Variants in CLBA1 observed in about 807,000 individuals in gnomAD.
CLBA1 encodes clathrin binding box of aftiphilin containing 1, also known as uncharacterized protein CLBA1.
CLBA1 carries 30 observed loss-of-function variants against 28.8 expected under a neutral mutation model. The ratio of observed to expected loss-of-function variants is 1.04; its 90% CI spans 0.78 to 1.41. The LOEUF (loss-of-function observed/expected upper bound fraction) is 1.41. CLBA1 is among the 40% of genes most tolerant of loss of function. CLBA1 has a pLI of 0.00. For missense variants in CLBA1, 451 were observed against 412.3 expected, an observed-to-expected ratio of 1.09 and a Z score of -0.81; for synonymous variants, 160 against 152.8, an observed-to-expected ratio of 1.05 and a Z score of -0.35.
rs1232882920 is a variant in CLBA1, at chr14:104,994,946, C to T, written c.*187C>T. ...CTGACCAGGAGATGGAGGATGTGTC[C>T]TTGGCAGAGCCAAGGGGAGACAGAG... On this transcript the variant is annotated 3_prime_UTR_variant, in exon 5 of 5. Transcript: ENST00000547315. 7.7e-7 allele frequency: 1 copy of T among 1,302,136 alleles called. No individual in the cohort carries two copies. Among genetic ancestry groups the T allele is most frequent in the Non-Finnish European group, 9.7e-7 (1 of 1,026,592 alleles). The allele number at this position is 1,302,136 out of a possible 1,614,324, so 80.7% of individuals were successfully genotyped here.
In CLBA1 at chr14:104,995,421, G is replaced by C. The variant is rs1050442885; in HGVS notation, c.*662G>C. The C allele has an allele frequency of 8.8e-5, 87 of 985,288 alleles. No individual in the cohort carries two copies. The highest frequency in any genetic ancestry group is 1.0e-4 in the Non-Finnish European group (85 of 829,924). 61.0% of individuals were successfully genotyped at this position (985,288 alleles called of 1,614,324 possible). A position where few individuals can be genotyped will look rare whatever the true frequency, so the allele number is the denominator to read the frequency against. On this transcript the variant is annotated 3_prime_UTR_variant, in exon 5 of 5. Coordinates refer to ENST00000547315, the MANE Select transcript of CLBA1 (RefSeq NM_174891.4). ...TCTGGTGGGCCCGTGGCTTCCCCCA[G>C]TTATCTGCTAAGGAAAACTGTGCTC... is the stretch of plus-strand genomic sequence containing the variant.
intron 4 of CLBA1, chr14:104,994,324 A>C (rs1900114867): frequency 1.0e-6 from 1 of 985,328 alleles, no homozygotes; most frequent in South Asian, 4.7e-5. Context: ...GACACGTAGC[A>C]CAAGGGCCAG....
chr14:105,000,575 C>T (rs71421900), intron 2 of CLBA1, among the ~76,000 whole-genome samples: 1 of 152,024 alleles, frequency 6.6e-6, no homozygotes, highest in South Asian at 2.1e-4. Context: ...TCCAGCCAAG[C>T]AGACATTTTC....
chr14:104,986,751 C>G lies in CLBA1; in HGVS notation c.320C>G (p.Pro107Arg), dbSNP rs377224370. 6.2e-7 allele frequency: 1 copy of G among 1,613,348 alleles called. No individual in the cohort carries two copies. Among genetic ancestry groups the G allele is most frequent in the Non-Finnish European group, 8.5e-7 (1 of 1,179,810 alleles). ...SLELLEGPTE[P>R]QPPRTTSAPK... ...GAACTCCTCGAGGGACCCACAGAAC[C>G]CCAGCCACCGAGAACCACTTCTGCC... is the stretch of plus-strand genomic sequence containing the variant. The change falls in exon 1 of 5, where the codon CCC becomes CGC. Residue 107 changes from proline (P) to arginine (R), a missense_variant. Coordinates refer to ENST00000547315, the MANE Select transcript of CLBA1 (RefSeq NM_174891.4).
At chr14:104,996,572 C>T (rs1214033905), downstream of CLBA1, among the ~76,000 whole-genome samples, 5 of 152,166 alleles carry the variant, frequency 3.3e-5, no homozygotes, top group African/African-American at 4.8e-5. Context: ...GGACAGTGGG[C>T]GGGAGGCAAG....
At position 104,992,962 on chromosome 14, in the gene CLBA1, C is replaced by G. The variant is rs1900076933; in HGVS notation, c.714C>G (p.Gly238=). The G allele has an allele frequency of 6.2e-7, 1 of 1,613,732 alleles. No homozygotes were observed. The highest frequency in any genetic ancestry group is 1.7e-5 in the Admixed American group (1 of 59,986). The change falls in exon 4 of 5, where the codon GGC becomes GGG. Residue 238 remains glycine (G), a synonymous_variant. Coordinates refer to ENST00000547315, the MANE Select transcript of CLBA1 (RefSeq NM_174891.4). The stretch of plus-strand genomic sequence containing the variant: ...TGTCTCCTTAGAACCTTTCTGGAGG[C>G]CAGGGCCACATCATGGAAGATTGTG... ...IDAAQKNLSG[G]QGHIMEDCDL...
intron 3 of CLBA1, among the ~76,000 whole-genome samples, chr14:104,992,060 G>C (rs1334322808): frequency 8.9e-6 from 1 of 112,642 alleles, no homozygotes; most frequent in Non-Finnish European, 1.8e-5. Context: ...CCACGCACAC[G>C]CCGCCACGCA....
rs146555211 is a variant in CLBA1, at chr14:104,986,298, G to A, written c.-134G>A. The A allele has an allele frequency of 3.3e-6, 3 of 914,754 alleles. No homozygotes were observed. Among genetic ancestry groups the A allele is most frequent in the African/African-American group, 1.7e-5 (1 of 59,776 alleles). The allele number at this position is 914,754 out of a possible 1,614,324, so 56.7% of individuals were successfully genotyped here. ...TCCACCGTCAGCCACTGGGCAGCCC[G>A]GGGCACTCCTGCAGCGTCCCCTGGC... is the stretch of plus-strand genomic sequence containing the variant. On this transcript the variant is annotated 5_prime_UTR_variant, in exon 1 of 5. Transcript: ENST00000547315.
In CLBA1 at chr14:104,986,423, G is replaced by A. The variant is rs1278582048; in HGVS notation, c.-9G>A. On this transcript the variant is annotated 5_prime_UTR_variant, in exon 1 of 5. Coordinates refer to ENST00000547315, the MANE Select transcript of CLBA1 (RefSeq NM_174891.4). The stretch of plus-strand genomic sequence containing the variant: ...CCCATCGGGCCTCTGCTGGCCTGGG[G>A]GCTCCAAGATGCAAGGCCGGCGGGA... 1.2e-6 allele frequency: 2 copies of A among 1,610,758 alleles called. No individual in the cohort carries two copies. The highest frequency in any genetic ancestry group is 8.5e-7 in the Non-Finnish European group (1 of 1,179,516).
In CLBA1 at chr14:104,986,572, G is replaced by C; in HGVS notation, c.141G>C (p.Leu47=). ...EWRRTCPDLL[L]SDGKASISMP... is the part of the protein sequence containing the mutation. ...GACGGACCTGCCCCGACCTTCTCCT[G>C]TCCGATGGGAAAGCCAGCATCTCCA... The change falls in exon 1 of 5, where the codon CTG becomes CTC. Residue 47 remains leucine (L), a synonymous_variant. Coordinates refer to ENST00000547315, the MANE Select transcript of CLBA1 (RefSeq NM_174891.4). The C allele has an allele frequency of 1.2e-6, 2 of 1,614,080 alleles. No individual in the cohort carries two copies. Among genetic ancestry groups the C allele is most frequent in the Non-Finnish European group, 8.5e-7 (1 of 1,180,032 alleles).
chr14:104,987,365 C>G (rs905126978), intron 1 of CLBA1, among the ~76,000 whole-genome samples: 3 of 152,190 alleles, frequency 2.0e-5, no homozygotes, highest in African/African-American at 7.2e-5. Context: ...GAGCCAGGGT[C>G]CCAGCCTTCA....
downstream of CLBA1, among the ~76,000 whole-genome samples, chr14:104,997,812 C>G (rs1900181543): frequency 6.6e-6 from 1 of 152,016 alleles, no homozygotes; most frequent in South Asian, 2.1e-4. Flanking sequence ...AGTTTGAGAC[C>G]AGCCTGGCCA....
intron 3 of CLBA1, 139 bp downstream of exon 3, chr14:104,991,759 T>C (rs1900029377): frequency 8.6e-6 from 9 of 1,049,850 alleles, no homozygotes; most frequent in Non-Finnish European, 1.2e-5. Context: ...GGTGGCCCCA[T>C]AAACGTGTCA....
chr14:104,991,228 G>T (rs549308221), intron 2 of CLBA1: 2 of 304,732 alleles, frequency 6.6e-6, no homozygotes, highest in Admixed American at 9.6e-5. Flanking sequence ...GTTTCACTAT[G>T]TTGGCCAGGC....
At chr14:105,000,028 C>T (rs533140738), downstream of CLBA1, among the ~76,000 whole-genome samples, 3 of 152,292 alleles carry the variant, frequency 2.0e-5, no homozygotes, top group South Asian at 2.1e-4. Flanking sequence ...GTGCAGCTCT[C>T]GCATGACTCC....
Position 104,994,771 on chromosome 14 carries a change from C to T in CLBA1, c.*12C>T. On this transcript the variant is annotated 3_prime_UTR_variant, in exon 5 of 5. Coordinates refer to ENST00000547315, the MANE Select transcript of CLBA1 (RefSeq NM_174891.4). ...GCGACGTTTGCTAAAATCAGGAGGA[C>T]TTTGTACCTTTATGAGGAATTTTTC... The T allele has an allele frequency of 6.3e-7, 1 of 1,589,268 alleles. No individual in the cohort carries two copies.
At position 104,994,998 on chromosome 14, in the gene CLBA1, G is replaced by C. The variant is rs549158302; in HGVS notation, c.*239G>C. The C allele has an allele frequency of 1.1e-5, 13 of 1,181,110 alleles. No homozygotes were observed. The South Asian group carries it at 3.8e-4, about 34-fold the overall frequency. The allele number at this position is 1,181,110 out of a possible 1,614,324, so 73.2% of individuals were successfully genotyped here. On this transcript the variant is annotated 3_prime_UTR_variant, in exon 5 of 5. Coordinates refer to ENST00000547315, the MANE Select transcript of CLBA1 (RefSeq NM_174891.4). The stretch of plus-strand genomic sequence containing the variant: ...TTTCTGGATGCCATGACAGGCTGTC[G>C]GGGTCCAGGTGGCACTCATGGGCCC...
Position 104,993,278 on chromosome 14 carries a change from G to A in CLBA1, c.816+214G>A, listed in dbSNP as rs1900088598. ...AAGGAATATAAATACCATCCGGAAA[G>A]ACTCTCAGGCCAGAGGACCCAGGAT... is the stretch of plus-strand genomic sequence containing the variant. On this transcript the variant is annotated intron_variant, in intron 4 of 4. Coordinates refer to ENST00000547315, the MANE Select transcript of CLBA1 (RefSeq NM_174891.4). The A allele has an allele frequency of 6.1e-6, 6 of 985,442 alleles. No individual in the cohort carries two copies. The South Asian group carries it at 2.3e-4, about 39-fold the overall frequency. The allele number at this position is 985,442 out of a possible 1,614,324, so 61.0% of individuals were successfully genotyped here.
At chr14:104,996,161 C>A (rs1900152102), downstream of CLBA1, among the ~76,000 whole-genome samples, 1 of 152,084 alleles carries the variant, frequency 6.6e-6, no homozygotes, top group Admixed American at 6.5e-5. Flanking sequence ...CCAAGCCTTT[C>A]TTCTGACTTC....
Sources: allele counts gnomAD v4.1 joint callset (sites outside exome capture counted in the v4.1 genomes callset), GRCh38; gene constraint gnomAD v4.1.1; transcripts MANE v1.5; gene names NCBI Gene and HGNC (gene_info 2026-07-23, HGNC 2026-07-21).